IL34: variants seen among roughly 807,000 people sequenced by gnomAD.
The protein encoded by IL34 is interleukin 34, also known as interleukin-34.
Under a neutral mutation model 25.3 loss-of-function variants are expected in IL34, and 17 were observed. That is an observed-to-expected ratio of 0.67 (90% CI 0.46 to 1.01). IL34 has a LOEUF of 1.01. IL34 is among the 50% of genes least tolerant of loss of function. The pLI, the probability that IL34 is intolerant of heterozygous loss-of-function variation, is 0.00. For missense variants in IL34, 368 were observed against 312.9 expected, an observed-to-expected ratio of 1.18 and a Z score of -1.33; for synonymous variants, 174 against 140.9, an observed-to-expected ratio of 1.23 and a Z score of -1.66.
intron 1 of IL34, among the ~76,000 whole-genome samples, chr16:70,609,345 C>T (rs2051057127): frequency 6.6e-6 from 1 of 152,188 alleles, no homozygotes; most frequent in African/African-American, 2.4e-5. Context: ...TCCCAAAGTG[C>T]TGGGATTACA....
chr16:70,652,640 C>T (rs544000999), intron 1 of IL34, among the ~76,000 whole-genome samples: 10 of 152,290 alleles, frequency 6.6e-5, no homozygotes, highest in Admixed American at 3.9e-4. Context: ...ACGTCTAGGC[C>T]ATTTCCAGAT....
chr16:70,612,961 C>T (rs1324528544), intron 1 of IL34, among the ~76,000 whole-genome samples: 4 of 152,096 alleles, frequency 2.6e-5, no homozygotes, highest in African/African-American at 4.8e-5. Flanking sequence ...TTAGTAGAGG[C>T]GGGGCTTCAC....
At chr16:70,606,258 C>T (rs150106153) in intron 1 of IL34, among the ~76,000 whole-genome samples, 156 of 151,774 alleles carry the variant, frequency 1.0e-3, no homozygotes, top group Non-Finnish European at 1.7e-3. Flanking sequence ...ATTAGCCAGG[C>T]GTGGTGGTGG....
chr16:70,621,945 G>C (rs1021967447), intron 1 of IL34, among the ~76,000 whole-genome samples: 1 of 152,064 alleles, frequency 6.6e-6, no homozygotes, highest in African/African-American at 2.4e-5. Context: ...ATCAGTTAAG[G>C]GGGGGCAGGG....
upstream of IL34, among the ~76,000 whole-genome samples, chr16:70,643,049 ATTAT>A (rs2051823950): frequency 6.6e-6 from 1 of 152,042 alleles, no homozygotes; most frequent in African/African-American, 2.4e-5. Flanking sequence ...TGTACACTTT[ATTAT>A]TTATTTTTAT....
At chr16:70,601,730 C>T (rs2050921277) in intron 1 of IL34, among the ~76,000 whole-genome samples, 1 of 152,196 alleles carries the variant, frequency 6.6e-6, no homozygotes, top group African/African-American at 2.4e-5. Context: ...AAGCCAGCTC[C>T]TGCTGGGTTT....
chr16:70,626,040 A>G (rs2051386639), intron 1 of IL34, among the ~76,000 whole-genome samples: 1 of 152,210 alleles, frequency 6.6e-6, no homozygotes, highest in Non-Finnish European at 1.5e-5. Flanking sequence ...AGAAGAGACC[A>G]CCACACAGGC....
At chr16:70,624,618 T>C (rs2051351183) in intron 1 of IL34, among the ~76,000 whole-genome samples, 1 of 152,106 alleles carries the variant, frequency 6.6e-6, no homozygotes, top group African/African-American at 2.4e-5. Context: ...CTAAACGCTA[T>C]CTGATTTGGG....
chr16:70,633,827 C>T (rs958334476), intron 1 of IL34, among the ~76,000 whole-genome samples: 1 of 151,912 alleles, frequency 6.6e-6, no homozygotes, highest in African/African-American at 2.4e-5. Flanking sequence ...GTTTCTCAAT[C>T]ATCACGTGGT....
intron 1 of IL34, among the ~76,000 whole-genome samples, chr16:70,624,248 G>C (rs2051342751): frequency 6.6e-6 from 1 of 151,846 alleles, no homozygotes; most frequent in Non-Finnish European, 1.5e-5. Flanking sequence ...CGTGTAGCAA[G>C]CTCCTGGGGA....
chr16:70,603,268 A>T (rs2050946032), intron 1 of IL34, among the ~76,000 whole-genome samples: 2 of 152,002 alleles, frequency 1.3e-5, no homozygotes, highest in African/African-American at 4.8e-5. Context: ...TATACCATTT[A>T]TTTATTTTTT....
rs148427546 is a variant in IL34, at chr16:70,621,171, C to T, written c.-400-25377C>T. Among the ~76,000 whole-genome samples, 798 of 152,154 alleles carry T rather than the reference C, an allele frequency of 5.2e-3. 3 individuals carry two copies. Among genetic ancestry groups the T allele is most frequent in the African/African-American group, 0.018 (739 of 41,510 alleles). On this transcript the variant is annotated intron_variant, in intron 1 of 6. Transcript: ENST00000429149. The stretch of plus-strand genomic sequence containing the variant: ...CCCTGCCCCAGGAAAGCAGGACTTG[C>T]CGCTAAGGTTGAAGGACCAAGGCAG...
At chr16:70,640,243 G>A (rs1343537309) in intron 1 of IL34, among the ~76,000 whole-genome samples, 1 of 152,160 alleles carries the variant, frequency 6.6e-6, no homozygotes, top group Non-Finnish European at 1.5e-5. Context: ...CTGGGCTCAA[G>A]CAATCATCCT....
intron 1 of IL34, among the ~76,000 whole-genome samples, chr16:70,637,263 G>A (rs1053042663): frequency 3.3e-5 from 5 of 152,140 alleles, no homozygotes; most frequent in Non-Finnish European, 7.3e-5. Flanking sequence ...TGCTTTTGGT[G>A]TCATATATAA....
At chr16:70,590,838 C>T in intron 1 of IL34, among the ~76,000 whole-genome samples, 1 of 152,158 alleles carries the variant, frequency 6.6e-6, no homozygotes, top group Non-Finnish European at 1.5e-5. Context: ...GCTGGCCTCT[C>T]CCTGCCCCCG....
intron 1 of IL34, among the ~76,000 whole-genome samples, chr16:70,630,294 C>G (rs1035215698): frequency 2.6e-5 from 4 of 152,050 alleles, no homozygotes; most frequent in African/African-American, 9.7e-5. Context: ...CTGGAATGCA[C>G]TGACGTGATC....
intron 1 of IL34, among the ~76,000 whole-genome samples, chr16:70,614,968 C>G (rs1195527445): frequency 1.3e-5 from 2 of 152,140 alleles, no homozygotes; most frequent in Non-Finnish European, 2.9e-5. Flanking sequence ...TAAAATAGAA[C>G]TATAGCAAAG....
intron 1 of IL34, among the ~76,000 whole-genome samples, chr16:70,588,119 G>C (rs2050715197): frequency 6.6e-6 from 1 of 152,098 alleles, no homozygotes; most frequent in Admixed American, 6.5e-5. Context: ...GATGTTAACT[G>C]GTGCAGCTGC....
At chr16:70,608,220 C>T (rs2051040951) in intron 1 of IL34, among the ~76,000 whole-genome samples, 2 of 150,778 alleles carry the variant, frequency 1.3e-5, no homozygotes, top group South Asian at 2.1e-4. Flanking sequence ...CCTCTGACTC[C>T]CGGGTTTAAG....
Sources: gnomAD v4.1 joint callset for allele counts (sites outside exome capture counted in the v4.1 genomes callset) on GRCh38, gnomAD v4.1.1 for gene constraint, MANE v1.5 for transcripts, NCBI Gene and HGNC (gene_info 2026-07-23, HGNC 2026-07-21) for gene names.